PPFIBP2: variants seen among roughly 807,000 people sequenced by gnomAD.
PPFIBP2 encodes PPFIB scaffold protein 2, also known as liprin-beta-2.
PPFIBP2 carries 118 observed loss-of-function variants against 118.3 expected under a neutral mutation model. That is an observed-to-expected ratio of 1.00 (90% CI 0.86 to 1.16). The LOEUF is 1.16. Among genes scored for constraint, PPFIBP2 ranks in the 50% most tolerant of loss-of-function variants. PPFIBP2 has a pLI of 0.00. For missense variants in PPFIBP2, 1,195 were observed against 1,073.1 expected (o/e 1.11, Z -1.59); for synonymous variants, 414 against 397.4 (o/e 1.04, Z -0.50).
At chr11:7,612,544 A>T (rs1848190952) in intron 6 of PPFIBP2, among the ~76,000 whole-genome samples, 1 of 152,236 alleles carries the variant, frequency 6.6e-6, no homozygotes, top group East Asian at 1.9e-4. Context: ...AGAAGCACTA[A>T]TGCAGTCATT....
At chr11:7,565,485 C>T (rs1854860260) in intron 2 of PPFIBP2, 68 bp from the exon 3 acceptor site, 7 of 1,525,668 alleles carry the variant, frequency 4.6e-6, no homozygotes, top group African/African-American at 1.4e-5. Flanking sequence ...ACCACCTTTG[C>T]TCTTTACTAG....
chr11:7,617,172 C>G, intron 6 of PPFIBP2: 1 of 985,188 alleles, frequency 1.0e-6, no homozygotes, highest in Non-Finnish European at 1.2e-6. Flanking sequence ...GCTGGACATC[C>G]ACAGGCAGAT....
At chr11:7,664,125 G>A in the PPFIBP2 span, among the ~76,000 whole-genome samples, 1 of 152,200 alleles carries the variant, frequency 6.6e-6, no homozygotes, top group Non-Finnish European at 1.5e-5. Flanking sequence ...CTCACGCTGG[G>A]AGCTGTAGAC....
At chr11:7,546,279 G>A (rs1852322679) in intron 1 of PPFIBP2, among the ~76,000 whole-genome samples, 1 of 152,164 alleles carries the variant, frequency 6.6e-6, no homozygotes, top group Non-Finnish European at 1.5e-5. Flanking sequence ...TCCTTGTTTT[G>A]TATTTGAATT....
chr11:7,573,267 G>T (rs1184728199), intron 3 of PPFIBP2, among the ~76,000 whole-genome samples: 1 of 152,136 alleles, frequency 6.6e-6, no homozygotes, highest in Non-Finnish European at 1.5e-5. Flanking sequence ...ATTCTGGATG[G>T]GGAAGCACTG....
intron 1 of PPFIBP2, among the ~76,000 whole-genome samples, chr11:7,519,755 T>C (rs1021429284): frequency 2.6e-5 from 4 of 152,000 alleles, no homozygotes; most frequent in Non-Finnish European, 4.4e-5. Flanking sequence ...TGGAACGGGA[T>C]CAAATGGCTT....
intron 7 of PPFIBP2, 52 bp from the exon 8 acceptor site, chr11:7,625,725 C>G: frequency 6.8e-7 from 1 of 1,474,204 alleles, no homozygotes; most frequent in Non-Finnish European, 9.5e-7. Flanking sequence ...GGCACTTCAT[C>G]ATGATTTGGC....
chr11:7,571,002 G>C (rs1855592780), intron 3 of PPFIBP2, among the ~76,000 whole-genome samples: 2 of 152,186 alleles, frequency 1.3e-5, no homozygotes, highest in South Asian at 2.1e-4. Context: ...AGACAGGTTA[G>C]GAACCTCTCA....
intron 6 of PPFIBP2, among the ~76,000 whole-genome samples, chr11:7,612,120 G>T (rs2135506840): frequency 1.3e-5 from 2 of 152,324 alleles, no homozygotes; most frequent in Middle Eastern, 6.8e-3. Flanking sequence ...GTGTTTGAAA[G>T]AATACAATAT....
At chr11:7,626,172 C>T (rs1430413612) in intron 8 of PPFIBP2, among the ~76,000 whole-genome samples, 1 of 152,162 alleles carries the variant, frequency 6.6e-6, no homozygotes, top group Admixed American at 6.5e-5. Flanking sequence ...TGTGCAGCCA[C>T]CTCTGGAGCT....
intron 5 of PPFIBP2, among the ~76,000 whole-genome samples, chr11:7,603,959 C>T (rs987660095): frequency 3.9e-5 from 6 of 152,110 alleles, no homozygotes; most frequent in Admixed American, 6.6e-5. Context: ...ATCCTCAGCT[C>T]GCTGCCTCCC....
In PPFIBP2 at chr11:7,549,544, G is replaced by T; in HGVS notation, c.64+5G>T. On this transcript the variant is annotated splice_donor_5th_base_variant and intron_variant, in intron 2 of 23. Transcript: ENST00000299492. The stretch of plus-strand genomic sequence containing the variant: ...AAATGGACGGGATCATTGCAGGTAC[G>T]CCCAGGGAACCCCAGCAACCAAGGT... 6.4e-7 allele frequency: 1 copy of T among 1,551,672 alleles called. No homozygotes were observed. The highest frequency in any genetic ancestry group is 8.7e-7 in the Non-Finnish European group (1 of 1,148,464).
chr11:7,515,719 A>T (rs1301837417), intron 1 of PPFIBP2, among the ~76,000 whole-genome samples: 1 of 152,216 alleles, frequency 6.6e-6, no homozygotes, highest in Non-Finnish European at 1.5e-5. Context: ...CCAGCTGTCC[A>T]GTACAGAAGT....
Position 7,653,072 on chromosome 11 carries a change from T to G in PPFIBP2, c.2485T>G (p.Phe829Val). The G allele has an allele frequency of 6.2e-7, 1 of 1,613,414 alleles. No individual in the cohort carries two copies. The highest frequency in any genetic ancestry group is 1.1e-5 in the South Asian group (1 of 91,042). ...SHFGNIRKKK[F>V]DESTDYICPM... is the part of the protein sequence containing the mutation. ...CTTCGGAAACATAAGAAAAAAGAAGTTCGATGAATCGACGGACTACATTTG... is the reference window on the plus strand; with the variant it reads ...CTTCGGAAACATAAGAAAAAAGAAGGTCGATGAATCGACGGACTACATTTG... The change falls in exon 24 of 24, where the codon TTC becomes GTC. Residue 829 changes from phenylalanine (F) to valine (V), a missense_variant. Coordinates refer to ENST00000299492, the MANE Select transcript of PPFIBP2 (RefSeq NM_003621.5).
intron 1 of PPFIBP2, among the ~76,000 whole-genome samples, chr11:7,547,634 C>T (rs565050630): frequency 1.3e-5 from 2 of 152,252 alleles, no homozygotes; most frequent in Non-Finnish European, 2.9e-5. Flanking sequence ...CGCTCTGTAG[C>T]GGCCTGGCTG....
intron 1 of PPFIBP2, among the ~76,000 whole-genome samples, chr11:7,530,240 G>A (rs891062515): frequency 2.0e-5 from 3 of 152,112 alleles, no homozygotes; most frequent in African/African-American, 7.2e-5. Flanking sequence ...CCCTGTGTAA[G>A]GCAGATATTA....
chr11:7,547,726 C>T (rs1852482521), intron 1 of PPFIBP2, among the ~76,000 whole-genome samples: 1 of 152,118 alleles, frequency 6.6e-6, no homozygotes, highest in South Asian at 2.1e-4. Flanking sequence ...CACTGAAGTT[C>T]CCCGACACCC....
chr11:7,641,519 T>A lies in PPFIBP2; in HGVS notation c.1416T>A (p.Asn472Lys). The A allele has an allele frequency of 6.2e-7, 1 of 1,613,812 alleles. No individual in the cohort carries two copies. Among genetic ancestry groups the A allele is most frequent in the Non-Finnish European group, 8.5e-7 (1 of 1,179,656 alleles). The part of the protein sequence containing the change: ...ESGWDDTAVV[N>K]DLSSTSSGTE... ...GCTGGGACGACACTGCTGTGGTCAA[T>A]GACCTCTCATCCACATCATCGGGCA... The change falls in exon 16 of 24, where the codon AAT becomes AAA. Residue 472 changes from asparagine (N) to lysine (K), a missense_variant. Coordinates refer to ENST00000299492, the MANE Select transcript of PPFIBP2 (RefSeq NM_003621.5).
intron 2 of PPFIBP2, among the ~76,000 whole-genome samples, chr11:7,557,441 A>C (rs1206651850): frequency 6.6e-6 from 1 of 151,522 alleles, no homozygotes; most frequent in East Asian, 1.9e-4. Flanking sequence ...AAGGCTTTCA[A>C]TAATTCAAAA....
Sources: gnomAD v4.1 joint callset for allele counts (sites outside exome capture counted in the v4.1 genomes callset) on GRCh38, gnomAD v4.1.1 for gene constraint, MANE v1.5 for transcripts, NCBI Gene and HGNC (gene_info 2026-07-23, HGNC 2026-07-21) for gene names.